The following NIPAL2 variants were observed in gnomAD, a reference collection of about 807,000 sequenced individuals.
The protein encoded by NIPAL2 is NIPA like domain containing 2.
NIPAL2 carries 43 observed loss-of-function variants against 48.9 expected under a neutral mutation model. The ratio of observed to expected loss-of-function variants is 0.88; its 90% CI spans 0.69 to 1.13. The LOEUF (loss-of-function observed/expected upper bound fraction) is 1.13. NIPAL2 is among the 50% of genes most tolerant of loss of function. The probability of loss-of-function intolerance (pLI) is 0.00; values close to 1 mark genes in which losing one functional copy is unlikely to be tolerated. For synonymous variants in NIPAL2, 167 were observed against 174.6 expected (o/e 0.96, Z 0.34); for missense variants, 446 against 461.4 (o/e 0.97, Z 0.31).
chr8:98,252,196 ATCT>A (rs1813624766), intron 3 of NIPAL2: 1 of 376,794 alleles, frequency 2.7e-6, no homozygotes, highest in South Asian at 7.4e-5. Flanking sequence ...ACAGTATAAC[ATCT>A]TCTGTCACCG....
intron 6 of NIPAL2, among the ~76,000 whole-genome samples, chr8:98,207,085 G>A (rs1356642748): frequency 2.0e-5 from 3 of 152,186 alleles, no homozygotes; most frequent in Non-Finnish European, 4.4e-5. Context: ...AACACAGTGT[G>A]ATTATGATCT....
chr8:98,222,562 T>G lies in NIPAL2; in HGVS notation c.475A>C (p.Asn159His). The G allele has an allele frequency of 6.2e-7, 1 of 1,614,096 alleles. No individual in the cohort carries two copies. The highest frequency in any genetic ancestry group is 8.5e-7 in the Non-Finnish European group (1 of 1,179,952). The part of the protein sequence containing the change: ...LAFAGTYLLV[N>H]FAPNITQAIS... Reference sequence around the variant, plus strand: ...GCCTGAGTTATATTTGGAGCAAAGTTCACCAGTAAATATGTTCCTGCAAAT... The same window carrying G: ...GCCTGAGTTATATTTGGAGCAAAGTGCACCAGTAAATATGTTCCTGCAAAT... The change falls in exon 5 of 11, where the codon AAC becomes CAC. Residue 159 changes from asparagine (N) to histidine (H), a missense_variant. Transcript: ENST00000430223.
intron 6 of NIPAL2, among the ~76,000 whole-genome samples, chr8:98,207,465 C>T (rs1449788608): frequency 2.0e-5 from 3 of 151,994 alleles, no homozygotes; most frequent in African/African-American, 7.3e-5. Flanking sequence ...ATGCAGTGTT[C>T]TTCTAACATT....
intron 2 of NIPAL2, 89 bp downstream of exon 2, chr8:98,253,930 C>G (rs1465423753): frequency 1.4e-6 from 1 of 718,868 alleles, no homozygotes; most frequent in African/African-American, 1.9e-5. Flanking sequence ...AGAAAAGAGC[C>G]ACAAAGACAA....
intron 10 of NIPAL2, 191 bp from the exon 11 acceptor site, chr8:98,193,281 A>T (rs1231305714): frequency 2.4e-5 from 31 of 1,308,130 alleles, no homozygotes; most frequent in Non-Finnish European, 8.9e-6. Flanking sequence ...TGTGATAGCG[A>T]ATTGTCTGTG....
chr8:98,259,760 TGC>T (rs1204950192), intron 1 of NIPAL2, among the ~76,000 whole-genome samples: 1 of 152,230 alleles, frequency 6.6e-6, no homozygotes, highest in Non-Finnish European at 1.5e-5. Flanking sequence ...AACCCTGCTG[TGC>T]TTGTGTCTAT....
At chr8:98,268,243 A>C (rs777947708) in intron 1 of NIPAL2, among the ~76,000 whole-genome samples, 1 of 151,902 alleles carries the variant, frequency 6.6e-6, no homozygotes, top group Non-Finnish European at 1.5e-5. Context: ...CTTATGATGC[A>C]TTTTTTTTGG....
At chr8:98,254,731 G>C (rs1813779114) in intron 1 of NIPAL2, among the ~76,000 whole-genome samples, 1 of 152,180 alleles carries the variant, frequency 6.6e-6, no homozygotes, top group South Asian at 2.1e-4. Flanking sequence ...ACCACAATTA[G>C]TCCTCACCCA....
intron 4 of NIPAL2, among the ~76,000 whole-genome samples, chr8:98,229,499 A>G (rs1469809337): frequency 3.9e-5 from 6 of 152,164 alleles, no homozygotes; most frequent in Non-Finnish European, 7.3e-5. Context: ...TGGCCTCCTG[A>G]GTAGCTGGAA....
At chr8:98,280,699 T>G (rs1901367) in intron 1 of NIPAL2, among the ~76,000 whole-genome samples, 100,805 of 135,572 alleles carry the variant, frequency 0.74, 39,380 homozygotes, top group Non-Finnish European at 0.86. Context: ...GGGTAAAGAT[T>G]TATAACATGT....
intron 3 of NIPAL2, among the ~76,000 whole-genome samples, chr8:98,246,835 A>G (rs376246020): frequency 1.6e-4 from 25 of 152,214 alleles, no homozygotes; most frequent in African/African-American, 6.0e-4. Flanking sequence ...TGCCCCTGCA[A>G]TGATCTCCCT....
intron 1 of NIPAL2, among the ~76,000 whole-genome samples, chr8:98,289,535 G>A (rs1374726302): frequency 2.7e-5 from 4 of 149,936 alleles, no homozygotes; most frequent in African/African-American, 9.8e-5. Flanking sequence ...TTCTTTTTAA[G>A]GGACAGCATC....
chr8:98,265,121 A>G (rs1463765137), intron 1 of NIPAL2, among the ~76,000 whole-genome samples: 3 of 133,650 alleles, frequency 2.2e-5, no homozygotes, highest in Non-Finnish European at 1.6e-5. Flanking sequence ...ACCTTATACA[A>G]AAATCAATTC....
intron 5 of NIPAL2, among the ~76,000 whole-genome samples, chr8:98,217,949 A>G (rs1811656189): frequency 6.6e-6 from 1 of 152,234 alleles, no homozygotes; most frequent in South Asian, 2.1e-4. Flanking sequence ...TGGATACGTG[A>G]ATAAATGAAC....
chr8:98,245,626 CA>C (rs1448792618), intron 3 of NIPAL2, among the ~76,000 whole-genome samples: 6 of 152,060 alleles, frequency 3.9e-5, no homozygotes, highest in Non-Finnish European at 1.5e-5. Context: ...GAAAAGACTC[CA>C]AAAAAGTAAA....
At chr8:98,204,982 G>C in intron 7 of NIPAL2, 129 bp downstream of exon 7, 3 of 980,696 alleles carry the variant, frequency 3.1e-6, no homozygotes, top group Non-Finnish European at 4.7e-6. Context: ...CTGAGGACAA[G>C]CTACAGGCCC....
Position 98,191,387 on chromosome 8 carries a change from C to T in NIPAL2, c.*1591G>A, listed in dbSNP as rs374704746. Reference sequence around the variant, plus strand: ...ATCTGAATGCATGGGACACTTGCTACGATGGCGGGAATTATTACCAGGAGT... The same window carrying T: ...ATCTGAATGCATGGGACACTTGCTATGATGGCGGGAATTATTACCAGGAGT... On this transcript the variant is annotated 3_prime_UTR_variant, in exon 11 of 11. Coordinates refer to ENST00000430223, the MANE Select transcript of NIPAL2 (RefSeq NM_001321635.2). 9 of 152,308 alleles carry T rather than the reference C, an allele frequency of 5.9e-5. No individual in the cohort carries two copies. Among genetic ancestry groups the T allele is most frequent in the South Asian group, 2.1e-4 (1 of 4,832 alleles). 9.4% of individuals were successfully genotyped at this position (152,308 alleles called of 1,614,324 possible).
At chr8:98,277,778 C>A (rs1171671083) in intron 1 of NIPAL2, among the ~76,000 whole-genome samples, 4 of 152,134 alleles carry the variant, frequency 2.6e-5, no homozygotes, top group African/African-American at 4.8e-5. Context: ...TAGCATGTAC[C>A]AGTATGTATC....
intron 1 of NIPAL2, among the ~76,000 whole-genome samples, chr8:98,282,436 G>A (rs182680390): frequency 4.3e-4 from 65 of 152,264 alleles, no homozygotes; most frequent in Non-Finnish European, 8.7e-4. Flanking sequence ...GGAACAGGAA[G>A]ACCAAGCAGG....
Sources: gnomAD v4.1 joint callset for allele counts (sites outside exome capture counted in the v4.1 genomes callset) on GRCh38, gnomAD v4.1.1 for gene constraint, MANE v1.5 for transcripts, NCBI Gene and HGNC (gene_info 2026-07-23, HGNC 2026-07-21) for gene names.